TEX101: variants seen among roughly 807,000 people sequenced by gnomAD.
The protein encoded by TEX101 is testis-expressed protein 101.
Under a neutral mutation model 18.1 loss-of-function variants are expected in TEX101, and 10 were observed. The observed-to-expected ratio is 0.55, with a 90% confidence interval of 0.34 to 0.94. TEX101 has a LOEUF of 0.94. Ranked by LOEUF, TEX101 falls within the 40% of genes least tolerant of loss-of-function variation. The pLI is 0.02. For synonymous variants in TEX101, 94 were observed against 114.8 expected, an observed-to-expected ratio of 0.82 and a Z score of 1.16; for missense variants, 259 against 298.9, an observed-to-expected ratio of 0.87 and a Z score of 0.98.
intron 3 of TEX101, among the ~76,000 whole-genome samples, chr19:43,409,305 T>G (rs1304375604): frequency 1.3e-5 from 2 of 152,230 alleles, no homozygotes; most frequent in African/African-American, 4.8e-5. Context: ...TGGCTGAGAC[T>G]CAGCTATTTT....
At chr19:43,417,857 G>T in intron 4 of TEX101, 21 bp from the exon 5 acceptor site, 1 of 1,613,680 alleles carries the variant, frequency 6.2e-7, no homozygotes, top group East Asian at 2.2e-5. Context: ...GCCCTTAACT[G>T]TCTCTCTCAT....
At chr19:43,408,059 A>T (rs1043975116) in intron 3 of TEX101, among the ~76,000 whole-genome samples, 11 of 151,942 alleles carry the variant, frequency 7.2e-5, no homozygotes, top group African/African-American at 2.7e-4. Context: ...TTCCTTCCTC[A>T]ATCCCGGGGG....
chr19:43,403,875 TA>T (rs1405084416), intron 2 of TEX101, among the ~76,000 whole-genome samples: 1 of 151,960 alleles, frequency 6.6e-6, no homozygotes, highest in African/African-American at 2.4e-5. Flanking sequence ...CTGTCTCTAC[TA>T]AAAATGCAAA....
At chr19:43,396,036 C>T in the TEX101 span, among the ~76,000 whole-genome samples, 4 of 152,170 alleles carry the variant, frequency 2.6e-5, no homozygotes, top group Non-Finnish European at 5.9e-5. Flanking sequence ...AAACCTTCCA[C>T]CTTGTGTAAA....
the TEX101 span, among the ~76,000 whole-genome samples, chr19:43,390,470 T>TTTTTTTTA: frequency 8.3e-6 from 1 of 120,346 alleles, no homozygotes; most frequent in Non-Finnish European, 1.7e-5. Context: ...CTTTTTTTTT[T>TTTTTTTTA]TTTTTTTTTT....
At chr19:43,396,597 T>G (rs1599893442), upstream of TEX101, among the ~76,000 whole-genome samples, 1 of 152,122 alleles carries the variant, frequency 6.6e-6, no homozygotes, top group African/African-American at 2.4e-5. Context: ...GAACCACTCC[T>G]TTAGGTGCAT....
chr19:43,407,272 T>C (rs866148948), intron 3 of TEX101, among the ~76,000 whole-genome samples: 1 of 151,884 alleles, frequency 6.6e-6, no homozygotes, highest in African/African-American at 2.4e-5. Flanking sequence ...TCACCTGAGG[T>C]TGGAAGTTCG....
At chr19:43,411,533 T>G (rs1970419095), upstream of TEX101, among the ~76,000 whole-genome samples, 2 of 152,268 alleles carry the variant, frequency 1.3e-5, no homozygotes, top group South Asian at 4.1e-4. Flanking sequence ...AAAAGATGCC[T>G]TCACTGTATA....
chr19:43,415,064 C>T (rs1970458161), intron 1 of TEX101, 26 bp downstream of exon 1: 1 of 985,386 alleles, frequency 1.0e-6, no homozygotes, highest in Non-Finnish European at 1.2e-6. Context: ...GGACCCAGAT[C>T]CTGGCTCTGA....
intron 2 of TEX101, among the ~76,000 whole-genome samples, chr19:43,406,054 G>A (rs1024624690): frequency 7.6e-6 from 1 of 131,278 alleles, no homozygotes; most frequent in South Asian, 2.4e-4. Flanking sequence ...AGACCAGCCC[G>A]GACAACATAA....
chr19:43,410,631 C>T (rs1447759687), upstream of TEX101, among the ~76,000 whole-genome samples: 1 of 152,018 alleles, frequency 6.6e-6, no homozygotes, highest in African/African-American at 2.4e-5. Flanking sequence ...ACACTGTAAT[C>T]ATATGCTGAG....
chr19:43,399,295 T>G (rs1185757280), upstream of TEX101, among the ~76,000 whole-genome samples: 1 of 152,148 alleles, frequency 6.6e-6, no homozygotes, highest in African/African-American at 2.4e-5. Flanking sequence ...ATTATTCCTG[T>G]GTGATATTTC....
chr19:43,411,556 C>T (rs990084617), upstream of TEX101, among the ~76,000 whole-genome samples: 2 of 152,184 alleles, frequency 1.3e-5, no homozygotes, highest in Admixed American at 6.6e-5. Flanking sequence ...AGCCATTGAG[C>T]TTTTTTCTTT....
intron 2 of TEX101, among the ~76,000 whole-genome samples, chr19:43,405,454 T>C (rs1396553297): frequency 6.7e-6 from 1 of 148,426 alleles, no homozygotes; most frequent in Non-Finnish European, 1.5e-5. Flanking sequence ...GGCACATCTC[T>C]GTAATCCCAG....
chr19:43,390,452 T>C, the TEX101 span, among the ~76,000 whole-genome samples: 1 of 127,954 alleles, frequency 7.8e-6, no homozygotes, highest in East Asian at 2.3e-4. Flanking sequence ...TTTCTTTTCT[T>C]TTTTTTTCTT....
upstream of TEX101, among the ~76,000 whole-genome samples, chr19:43,413,938 G>C (rs186410482): frequency 6.6e-6 from 1 of 151,768 alleles, no homozygotes; most frequent in African/African-American, 2.4e-5. Flanking sequence ...CTGGGGGATA[G>C]AGAGAGGCTC....
exon 3 of TEX101, chr19:43,406,352 C>T (rs1242336954): frequency 1.6e-6 from 1 of 633,898 alleles, no homozygotes; most frequent in Admixed American, 2.7e-5. Flanking sequence ...GCTATTCCCA[C>T]CGTCCCTACA....
chr19:43,412,273 AGAGT>A (rs1368689766), upstream of TEX101, among the ~76,000 whole-genome samples: 4 of 152,076 alleles, frequency 2.6e-5, no homozygotes, highest in African/African-American at 9.7e-5. Context: ...GGAGCGAGAG[AGAGT>A]AAGAAGGGGA....
chr19:43,399,749 G>A (rs575834677), upstream of TEX101, among the ~76,000 whole-genome samples: 14 of 150,190 alleles, frequency 9.3e-5, no homozygotes, highest in Non-Finnish European at 1.5e-4. Flanking sequence ...TTTGATGCTC[G>A]AAATGTCCCA....
Sources: gnomAD v4.1 joint callset for allele counts (sites outside exome capture counted in the v4.1 genomes callset) on GRCh38, gnomAD v4.1.1 for gene constraint, MANE v1.5 for transcripts, NCBI Gene and HGNC (gene_info 2026-07-23, HGNC 2026-07-21) for gene names.